The following CDH13 variants were observed in gnomAD, a reference collection of about 807,000 sequenced individuals.
CDH13 encodes cadherin-13.
A neutral mutation model predicts 63.8 loss-of-function variants in CDH13; 24 were observed. The observed-to-expected ratio is 0.38, with a 90% confidence interval of 0.27 to 0.53. The LOEUF (loss-of-function observed/expected upper bound fraction) is 0.53, where lower values mean the gene tolerates loss of function less well. Among genes scored for constraint, CDH13 ranks in the 20% least tolerant of loss-of-function variants. The probability of loss-of-function intolerance (pLI) is 0.85; values close to 1 mark genes in which losing one functional copy is unlikely to be tolerated. For missense variants in CDH13, 1,049 were observed against 903.1 expected (o/e 1.16, Z -2.07); for synonymous variants, 503 against 355.3 (o/e 1.42, Z -4.67).
chr16:83,224,487 A>G (rs988086059), intron 5 of CDH13, among the ~76,000 whole-genome samples: 2 of 152,218 alleles, frequency 1.3e-5, no homozygotes, highest in Non-Finnish European at 2.9e-5. Flanking sequence ...CAAACCTGTG[A>G]TCTTCACTTC....
intron 2 of CDH13, among the ~76,000 whole-genome samples, chr16:82,955,281 A>T (rs1359899681): frequency 1.1e-4 from 17 of 152,234 alleles, no homozygotes; most frequent in Admixed American, 1.1e-3. Context: ...TTGGCAAAGG[A>T]GAAAAATCAG....
intron 1 of CDH13, among the ~76,000 whole-genome samples, chr16:82,833,807 G>A (rs1015902732): frequency 6.6e-6 from 1 of 152,208 alleles, no homozygotes; most frequent in African/African-American, 2.4e-5. Flanking sequence ...ACTGGGGAGG[G>A]AAAACGGTGT....
rs117603791 is a variant in CDH13, at chr16:83,164,907, A to G, written c.483+39406A>G. Among the ~76,000 whole-genome samples, 125 of 151,970 alleles carry G rather than the reference A, an allele frequency of 8.2e-4. 2 individuals carry two copies. In the East Asian group the frequency reaches 0.021, roughly 26 times the overall value. ...TTATTATCTTACAGATAAAAACACT[A>G]ATGCTTGGAGAGTTTCATTGTTTGC... On this transcript the variant is annotated intron_variant, in intron 4 of 13. Coordinates refer to ENST00000567109, the MANE Select transcript of CDH13 (RefSeq NM_001257.5).
At chr16:83,587,112 G>T (rs980311066) in intron 7 of CDH13, among the ~76,000 whole-genome samples, 13 of 152,138 alleles carry the variant, frequency 8.5e-5, no homozygotes, top group African/African-American at 3.1e-4. Context: ...GCACGAAAAT[G>T]CATTTGACTT....
chr16:83,481,872 C>G (rs2073774326), intron 6 of CDH13, among the ~76,000 whole-genome samples: 1 of 152,048 alleles, frequency 6.6e-6, no homozygotes, highest in Non-Finnish European at 1.5e-5. Flanking sequence ...CAAGACAAGC[C>G]CGGATAGGAA....
At chr16:83,785,500 C>T (rs1915820881) in intron 13 of CDH13, among the ~76,000 whole-genome samples, 1 of 152,184 alleles carries the variant, frequency 6.6e-6, no homozygotes, top group Non-Finnish European at 1.5e-5. Flanking sequence ...GCACAAACTT[C>T]AGAGCATAGC....
intron 2 of CDH13, among the ~76,000 whole-genome samples, chr16:82,883,873 C>T (rs1372678851): frequency 6.6e-6 from 1 of 152,160 alleles, no homozygotes; most frequent in Admixed American, 6.5e-5. Flanking sequence ...CTGAAGAGCT[C>T]AGCCACTGGA....
chr16:83,284,275 C>T (rs961147052), intron 5 of CDH13, among the ~76,000 whole-genome samples: 2 of 152,124 alleles, frequency 1.3e-5, no homozygotes, highest in Non-Finnish European at 2.9e-5. Context: ...TCTGAGTAGT[C>T]AAAGCAGAGA....
intron 6 of CDH13, among the ~76,000 whole-genome samples, chr16:83,440,784 CAAAAA>C (rs34731612): frequency 3.2e-5 from 4 of 123,558 alleles, no homozygotes; most frequent in Admixed American, 1.6e-4. Context: ...GACTTCATCT[CAAAAA>C]AAAAAAAAAA....
chr16:82,773,153 G>A (rs1308009152), intron 1 of CDH13, among the ~76,000 whole-genome samples: 1 of 152,230 alleles, frequency 6.6e-6, no homozygotes, highest in Non-Finnish European at 1.5e-5. Context: ...GGCTGAGAAA[G>A]GCAGAGCAAA....
intron 13 of CDH13, among the ~76,000 whole-genome samples, chr16:83,786,760 G>A (rs866082323): frequency 1.3e-5 from 2 of 152,030 alleles, no homozygotes; most frequent in Middle Eastern, 3.4e-3. Flanking sequence ...GCTAATTTTT[G>A]TATTTTTAGT....
chr16:83,148,478 G>A (rs2036844113), intron 4 of CDH13, among the ~76,000 whole-genome samples: 1 of 152,336 alleles, frequency 6.6e-6, no homozygotes, highest in South Asian at 2.1e-4. Flanking sequence ...TCAAATCCCA[G>A]CCCTGCCATT....
intron 6 of CDH13, among the ~76,000 whole-genome samples, chr16:83,415,469 A>C (rs1450741760): frequency 6.6e-6 from 1 of 152,178 alleles, no homozygotes; most frequent in South Asian, 2.1e-4. Flanking sequence ...AAGAAAAGAA[A>C]ACAAAAGACC....
At chr16:83,145,504 A>C (rs2036710543) in intron 4 of CDH13, among the ~76,000 whole-genome samples, 1 of 152,176 alleles carries the variant, frequency 6.6e-6, no homozygotes, top group South Asian at 2.1e-4. Flanking sequence ...TTATTTTTAC[A>C]CTGGCTTAAT....
At chr16:83,155,868 C>T (rs1235731702) in intron 4 of CDH13, among the ~76,000 whole-genome samples, 1 of 152,210 alleles carries the variant, frequency 6.6e-6, no homozygotes, top group Non-Finnish European at 1.5e-5. Context: ...ATTTTAGAAT[C>T]ACTTGAGCTT....
intron 1 of CDH13, among the ~76,000 whole-genome samples, chr16:82,816,040 T>C (rs983819178): frequency 1.3e-5 from 2 of 152,248 alleles, no homozygotes; most frequent in African/African-American, 4.8e-5. Flanking sequence ...GTCTGATACA[T>C]TGTTGTCAGA....
chr16:83,601,736 T>A (rs1322068103), intron 7 of CDH13, among the ~76,000 whole-genome samples: 1 of 152,156 alleles, frequency 6.6e-6, no homozygotes, highest in Non-Finnish European at 1.5e-5. Flanking sequence ...TCATCAAAGG[T>A]AACCTCATTT....
intron 4 of CDH13, among the ~76,000 whole-genome samples, chr16:83,150,844 C>G (rs1014919500): frequency 6.6e-6 from 1 of 152,230 alleles, no homozygotes; most frequent in East Asian, 1.9e-4. Flanking sequence ...ACCTGCATGA[C>G]TGGCCCTTCC....
At chr16:83,708,891 G>T (rs534750998) in intron 10 of CDH13, among the ~76,000 whole-genome samples, 1 of 152,052 alleles carries the variant, frequency 6.6e-6, no homozygotes, top group Non-Finnish European at 1.5e-5. Context: ...GAGTGTGGTG[G>T]CATACACCTG....
Sources: gnomAD v4.1 joint callset for allele counts (sites outside exome capture counted in the v4.1 genomes callset) on GRCh38, gnomAD v4.1.1 for gene constraint, MANE v1.5 for transcripts, NCBI Gene and HGNC (gene_info 2026-07-23, HGNC 2026-07-21) for gene names.